The following VTCN1 variants were observed in gnomAD, a reference collection of about 807,000 sequenced individuals.
VTCN1 encodes V-set domain containing T cell activation inhibitor 1.
Under a neutral mutation model 26.5 loss-of-function variants are expected in VTCN1, and 26 were observed. That is an observed-to-expected ratio of 0.98 (90% CI 0.72 to 1.36). The LOEUF is 1.36. VTCN1 is among the 40% of genes most tolerant of loss of function. VTCN1 has a pLI of 0.00. For synonymous variants in VTCN1, 116 were observed against 130.7 expected (o/e 0.89, Z 0.77); for missense variants, 298 against 337.7 (o/e 0.88, Z 0.92).
chr1:117,181,783 C>T (rs537792665), intron 1 of VTCN1, among the ~76,000 whole-genome samples: 1 of 152,242 alleles, frequency 6.6e-6, no homozygotes, highest in South Asian at 2.1e-4. Context: ...AGGGCAGGCT[C>T]CCTGTGAGGG....
chr1:117,148,914 G>C (rs6656455), intron 4 of VTCN1, among the ~76,000 whole-genome samples: 1 of 152,096 alleles, frequency 6.6e-6, no homozygotes, highest in Non-Finnish European at 1.5e-5. Flanking sequence ...AACAACTGAC[G>C]GCCTGCAGGA....
chr1:117,154,503 GC>G (rs1196795448), intron 3 of VTCN1, among the ~76,000 whole-genome samples: 1 of 152,204 alleles, frequency 6.6e-6, no homozygotes, highest in East Asian at 1.9e-4. Context: ...GAAACTGGAG[GC>G]CAGGCGCAGT....
chr1:117,177,992 G>A (rs907321408), intron 1 of VTCN1, among the ~76,000 whole-genome samples: 1 of 149,106 alleles, frequency 6.7e-6, no homozygotes, highest in Admixed American at 6.7e-5. Context: ...ATGCTGGAGT[G>A]CAGTGGTGCG....
At chr1:117,150,800 C>A (rs1041244280) in intron 4 of VTCN1, among the ~76,000 whole-genome samples, 49 of 152,176 alleles carry the variant, frequency 3.2e-4, no homozygotes, top group African/African-American at 1.2e-3. Context: ...CTGCCCTCTG[C>A]TAACCACCAT....
chr1:117,194,517 G>T (rs1419042213), intron 1 of VTCN1, among the ~76,000 whole-genome samples: 2 of 152,294 alleles, frequency 1.3e-5, no homozygotes, highest in Middle Eastern at 3.4e-3. Context: ...TCTCACTACT[G>T]GGTATATATC....
intron 2 of VTCN1, among the ~76,000 whole-genome samples, chr1:117,158,881 C>G (rs1652223906): frequency 6.6e-6 from 1 of 152,108 alleles, no homozygotes; most frequent in Non-Finnish European, 1.5e-5. Context: ...TTCAAAGTTC[C>G]ACAAATCTCG....
chr1:117,195,250 G>C (rs1038185016), intron 1 of VTCN1, among the ~76,000 whole-genome samples: 9 of 137,314 alleles, frequency 6.6e-5, no homozygotes, highest in African/African-American at 2.2e-4. Flanking sequence ...GAGAGAGCAA[G>C]ACTCCGTCTC....
At chr1:117,172,200 C>T (rs1482503030) in intron 1 of VTCN1, among the ~76,000 whole-genome samples, 1 of 152,204 alleles carries the variant, frequency 6.6e-6, no homozygotes, top group Non-Finnish European at 1.5e-5. Flanking sequence ...AAACGCGGGG[C>T]TTTGCACTTT....
chr1:117,162,382 C>T (rs780422176), intron 2 of VTCN1, among the ~76,000 whole-genome samples: 2 of 152,180 alleles, frequency 1.3e-5, no homozygotes, highest in African/African-American at 4.8e-5. Context: ...AACATAGGCT[C>T]AAGGAGGATT....
At chr1:117,209,489 C>G (rs148815260) in intron 1 of VTCN1, among the ~76,000 whole-genome samples, 1 of 152,168 alleles carries the variant, frequency 6.6e-6, no homozygotes, top group Non-Finnish European at 1.5e-5. Context: ...GTCATCTGGC[C>G]TTAACTTCTC....
At chr1:117,196,422 AG>A (rs1648514077) in intron 1 of VTCN1, among the ~76,000 whole-genome samples, 1 of 151,328 alleles carries the variant, frequency 6.6e-6, no homozygotes, top group African/African-American at 2.4e-5. Context: ...AGAGAGAGAG[AG>A]ACGGAAAAAA....
At chr1:117,207,597 G>A (rs1227102933) in intron 1 of VTCN1, among the ~76,000 whole-genome samples, 1 of 152,062 alleles carries the variant, frequency 6.6e-6, no homozygotes, top group Non-Finnish European at 1.5e-5. Context: ...TCTATCCCCA[G>A]GCCTGACCTC....
Position 117,156,639 on chromosome 1 carries a change from G to A in VTCN1, c.380C>T (p.Thr127Ile). ...AGAAGTGATGATATAACATTTGTAG[G>A]TGCCAGCATCTGTGAGTTGCACGTT... is the stretch of plus-strand genomic sequence containing the variant. ...LKNVQLTDAG[T>I]YKCYIITSKG... is the part of the protein sequence containing the mutation. Residue 127 changes from threonine (T) to isoleucine (I), a missense_variant, in exon 3 of 6, where the codon ACC (threonine) becomes ATC (isoleucine). By Grantham distance (89) the Thr-to-Ile change is moderately conservative (BLOSUM62 -1). Coordinates refer to ENST00000369458, the MANE Select transcript of VTCN1 (RefSeq NM_024626.4). 6.2e-7 allele frequency: 1 copy of A among 1,613,884 alleles called. No individual in the cohort carries two copies. Among genetic ancestry groups the A allele is most frequent in the Non-Finnish European group, 8.5e-7 (1 of 1,179,952 alleles).
intron 1 of VTCN1, among the ~76,000 whole-genome samples, chr1:117,171,054 C>A (rs980804784): frequency 1.4e-5 from 2 of 146,916 alleles, no homozygotes; most frequent in Non-Finnish European, 3.0e-5. Flanking sequence ...CTTCCTGTAT[C>A]CATGTGTTCT....
intron 1 of VTCN1, among the ~76,000 whole-genome samples, chr1:117,189,834 C>T (rs1439169509): frequency 6.6e-6 from 1 of 152,126 alleles, no homozygotes; most frequent in Non-Finnish European, 1.5e-5. Context: ...TTGGCAACCA[C>T]TGGTGGATAC....
Position 117,147,746 on chromosome 1 carries a change from A to T in VTCN1, c.761T>A (p.Leu254Gln). ...GACACACAGAGAAGCCTTTGAGTTTAGCAGCTGTAGGTGACTCCGCCTTTT... is the reference window on the plus strand; with the variant it reads ...GACACACAGAGAAGCCTTTGAGTTTTGCAGCTGTAGGTGACTCCGCCTTTT... ...EIKRRSHLQL[L>Q]NSKASLCVSS... The change falls in exon 5 of 6, where the codon CTA becomes CAA. Residue 254 changes from leucine (L) to glutamine (Q), a missense_variant. By Grantham distance (113) the Leu-to-Gln change is moderately radical. Coordinates refer to ENST00000369458, the MANE Select transcript of VTCN1 (RefSeq NM_024626.4). The surrounding 1 kb of genome is among the most constrained non-coding windows in gnomAD (Gnocchi z 4.6). 6.2e-7 allele frequency: 1 copy of T among 1,614,082 alleles called. No homozygotes were observed. The highest frequency in any genetic ancestry group is 8.5e-7 in the Non-Finnish European group (1 of 1,179,958).
At chr1:117,189,366 G>A (rs1360756239) in intron 1 of VTCN1, among the ~76,000 whole-genome samples, 2 of 152,190 alleles carry the variant, frequency 1.3e-5, no homozygotes, top group East Asian at 1.9e-4. Context: ...GTGAGTTGGA[G>A]AATGTGGAGA....
At chr1:117,198,121 G>A (rs547761408) in intron 1 of VTCN1, among the ~76,000 whole-genome samples, 7 of 152,026 alleles carry the variant, frequency 4.6e-5, no homozygotes, top group African/African-American at 7.3e-5. Flanking sequence ...TTAAATTAAC[G>A]TGTGCTATCA....
intron 3 of VTCN1, among the ~76,000 whole-genome samples, chr1:117,154,113 C>A (rs921849195): frequency 2.6e-5 from 4 of 151,958 alleles, no homozygotes; most frequent in African/African-American, 9.7e-5. Context: ...TGAGCTGGTG[C>A]TGAGTAAGTA....
Sources: gnomAD v4.1 joint callset for allele counts (sites outside exome capture counted in the v4.1 genomes callset) on GRCh38, gnomAD v4.1.1 for gene constraint, Gnocchi (gnomAD v3.1) non-coding constraint, MANE v1.5 for transcripts, NCBI Gene and HGNC (gene_info 2026-07-23, HGNC 2026-07-21) for gene names.